Variants in OTUD7A observed in about 807,000 individuals in gnomAD.
The protein encoded by OTUD7A is OTU domain-containing protein 7A.
OTUD7A carries 12 observed loss-of-function variants against 65.7 expected under a neutral mutation model. The observed-to-expected ratio is 0.18, with a 90% CI of 0.12 to 0.30. The LOEUF is 0.30. OTUD7A is among the 10% of genes least tolerant of loss of function. The pLI is 1.00. For synonymous variants in OTUD7A, 641 were observed against 586.3 expected, an observed-to-expected ratio of 1.09 and a Z score of -1.35; for missense variants, 1,148 against 1,304.8, an observed-to-expected ratio of 0.88 and a Z score of 1.85.
chr15:31,776,498 G>A lies in OTUD7A; in HGVS notation c.-100+94009C>T, dbSNP rs556403933. 1.4e-4 allele frequency among the ~76,000 whole-genome samples: 21 copies of A among 152,266 alleles called. No individual in the cohort carries two copies. In the South Asian group the frequency reaches 3.3e-3, roughly 24 times the overall value. On this transcript the variant is annotated intron_variant, in intron 1 of 12. Transcript: ENST00000307050. Reference sequence around the variant, plus strand: ...GCCCCTCCCGACTCTCTCCTTCCTTGGTAAGAAGTGGCAGCTGCCCTGTCC... The same window carrying A: ...GCCCCTCCCGACTCTCTCCTTCCTTAGTAAGAAGTGGCAGCTGCCCTGTCC...
intron 1 of OTUD7A, among the ~76,000 whole-genome samples, chr15:31,739,010 C>T (rs931910559): frequency 6.7e-6 from 1 of 150,008 alleles, no homozygotes; most frequent in Non-Finnish European, 1.5e-5. Flanking sequence ...GCTGTCCACT[C>T]GCTGGGGGCT....
chr15:31,593,837 C>T (rs1889825842), intron 3 of OTUD7A, among the ~76,000 whole-genome samples: 1 of 152,160 alleles, frequency 6.6e-6, no homozygotes. Flanking sequence ...CACTCTCTGC[C>T]ATTCCCCCGA....
At chr15:31,744,681 G>T (rs966428651) in intron 1 of OTUD7A, among the ~76,000 whole-genome samples, 2 of 152,042 alleles carry the variant, frequency 1.3e-5, no homozygotes, top group East Asian at 3.8e-4. Flanking sequence ...TTGTACAAAA[G>T]ATTGTAGCCA....
intron 3 of OTUD7A, among the ~76,000 whole-genome samples, chr15:31,617,110 T>C (rs769972719): frequency 2.6e-5 from 4 of 152,132 alleles, no homozygotes; most frequent in Non-Finnish European, 5.9e-5. Flanking sequence ...TTTATGAGGA[T>C]AACATCAGAT....
In OTUD7A at chr15:31,487,582, CAG is replaced by C. The variant is rs1319193235; in HGVS notation, c.1172-18_1172-17del. The C allele has an allele frequency of 1.2e-6, 2 of 1,605,026 alleles. No individual in the cohort carries two copies. The highest frequency in any genetic ancestry group is 8.5e-7 in the Non-Finnish European group (1 of 1,175,380). On this transcript the variant is annotated splice_polypyrimidine_tract_variant and intron_variant, in intron 10 of 12. Coordinates refer to ENST00000307050, the MANE Select transcript of OTUD7A (RefSeq NM_001382637.1). This position sits in a 1 kb window ranked among gnomAD's most constrained non-coding sequence, Gnocchi z 6.0. ...GGGATCACGGCTGGAACAGAAGAGA[CAG>C]AGCCGTGCTTGGAGCCCCGGCAGTC...
At chr15:31,583,956 T>C (rs1889450552) in intron 3 of OTUD7A, among the ~76,000 whole-genome samples, 1 of 152,120 alleles carries the variant, frequency 6.6e-6, no homozygotes. Context: ...TGTTGATGGA[T>C]ACAGAATTTC....
At chr15:31,636,385 A>G (rs2141256371) in intron 3 of OTUD7A, among the ~76,000 whole-genome samples, 1 of 152,326 alleles carries the variant, frequency 6.6e-6, no homozygotes, top group African/African-American at 2.4e-5. Flanking sequence ...ACCACGAACC[A>G]CACCCACACA....
chr15:31,578,856 G>A (rs1889286346), intron 3 of OTUD7A, among the ~76,000 whole-genome samples: 1 of 152,114 alleles, frequency 6.6e-6, no homozygotes, highest in African/African-American at 2.4e-5. Context: ...TGGCCCCAGT[G>A]TACATCTTAA....
At chr15:31,570,469 ACACACACACACACACAC>A (rs1889017257) in intron 3 of OTUD7A, among the ~76,000 whole-genome samples, 1 of 150,940 alleles carries the variant, frequency 6.6e-6, no homozygotes, top group African/African-American at 2.5e-5. Context: ...ACACACACAC[ACACACACACACACACAC>A]ATCTAAACAC....
chr15:31,484,161 G>C lies in OTUD7A; in HGVS notation c.1935C>G (p.Ala645=). The part of the protein sequence containing the change: ...AMQGERKFIF[A]GLLLTSHRHQ... ...GCCGGTGGCTGGTGAGCAGCAGGCC[G>C]GCGAAGATGAACTTGCGCTCCCCCT... The change falls in exon 13 of 13, where the codon GCC becomes GCG. Residue 645 remains alanine (A), a synonymous_variant. Coordinates refer to ENST00000307050, the MANE Select transcript of OTUD7A (RefSeq NM_001382637.1). The surrounding 1 kb of genome is among the most constrained non-coding windows in gnomAD (Gnocchi z 4.5). 6.2e-7 allele frequency: 1 copy of C among 1,610,330 alleles called. No homozygotes were observed. Among genetic ancestry groups the C allele is most frequent in the Non-Finnish European group, 8.5e-7 (1 of 1,179,538 alleles).
Position 31,477,983 on chromosome 15 carries a change from G to A in OTUD7A, c.*5311C>T, listed in dbSNP as rs1367899120. Reference sequence around the variant, plus strand: ...GAGCAAAGACTGGCAGGTAGTGAGGGGTGAACCATGTGGCTCTCTGGGGAA... The same window carrying A: ...GAGCAAAGACTGGCAGGTAGTGAGGAGTGAACCATGTGGCTCTCTGGGGAA... On this transcript the variant is annotated 3_prime_UTR_variant, in exon 13 of 13. Coordinates refer to ENST00000307050, the MANE Select transcript of OTUD7A (RefSeq NM_001382637.1). The A allele has an allele frequency of 2.6e-5, 4 of 152,292 alleles. No homozygotes were observed. The highest frequency in any genetic ancestry group is 4.8e-5 in the African/African-American group (2 of 41,434). 9.4% of individuals were successfully genotyped at this position (152,292 alleles called of 1,614,324 possible).
At chr15:31,779,883 T>C (rs1333082401) in intron 1 of OTUD7A, among the ~76,000 whole-genome samples, 3 of 152,142 alleles carry the variant, frequency 2.0e-5, no homozygotes, top group South Asian at 4.2e-4. Context: ...TCCAAGGTTC[T>C]TGCCGACCTC....
intron 1 of OTUD7A, among the ~76,000 whole-genome samples, chr15:31,804,650 G>A (rs936918949): frequency 5.9e-5 from 9 of 152,140 alleles, no homozygotes; most frequent in African/African-American, 2.2e-4. Flanking sequence ...GAGGGGTGGG[G>A]CAGGGATGGC....
intron 1 of OTUD7A, among the ~76,000 whole-genome samples, chr15:31,664,353 C>T (rs1252249698): frequency 7.3e-5 from 11 of 150,026 alleles, no homozygotes; most frequent in African/African-American, 1.5e-4. Flanking sequence ...TTTTTTATTA[C>T]GGCCATTCTT....
intron 3 of OTUD7A, among the ~76,000 whole-genome samples, chr15:31,639,041 G>A (rs1197382433): frequency 6.6e-6 from 1 of 152,092 alleles, no homozygotes; most frequent in Non-Finnish European, 1.5e-5. Flanking sequence ...GGCTGAGGCA[G>A]GAGAATGGCG....
chr15:31,692,406 G>C (rs1348414266), intron 1 of OTUD7A, among the ~76,000 whole-genome samples: 5 of 106,366 alleles, frequency 4.7e-5, no homozygotes, highest in African/African-American at 1.3e-4. Flanking sequence ...ATCATGGATG[G>C]AACTGGATAT....
chr15:31,629,904 T>C (rs1444142231), intron 3 of OTUD7A, among the ~76,000 whole-genome samples: 4 of 152,246 alleles, frequency 2.6e-5, no homozygotes, highest in Non-Finnish European at 5.9e-5. Flanking sequence ...TATTCTCTGA[T>C]GGTAGTTTGT....
intron 3 of OTUD7A, among the ~76,000 whole-genome samples, chr15:31,585,069 C>A (rs1479040275): frequency 6.6e-6 from 1 of 152,180 alleles, no homozygotes; most frequent in Non-Finnish European, 1.5e-5. Flanking sequence ...TGGTGAGATG[C>A]ATGCACATTT....
At chr15:31,503,550 G>C in intron 9 of OTUD7A, 141 bp downstream of exon 9, 20 of 1,175,880 alleles carry the variant, frequency 1.7e-5, no homozygotes, top group Non-Finnish European at 2.1e-5. Context: ...GGAGGAGAAA[G>C]AAACACGTCG....
Sources: gnomAD v4.1 joint callset for allele counts (sites outside exome capture counted in the v4.1 genomes callset) on GRCh38, gnomAD v4.1.1 for gene constraint, Gnocchi (gnomAD v3.1) non-coding constraint, MANE v1.5 for transcripts, NCBI Gene and HGNC (gene_info 2026-07-23, HGNC 2026-07-21) for gene names.